The following MEI4 variants were observed in gnomAD, a reference collection of about 807,000 sequenced individuals.
MEI4 encodes the protein meiosis-specific protein MEI4.
A neutral mutation model predicts 31.4 loss-of-function variants in MEI4; 27 were observed. The ratio of observed to expected loss-of-function variants is 0.86; its 90% CI spans 0.63 to 1.19. MEI4 has a LOEUF of 1.19. Ranked by LOEUF, MEI4 falls within the 50% of genes most tolerant of loss-of-function variation. The pLI, the probability that MEI4 is intolerant of heterozygous loss-of-function variation, is 0.00. For synonymous variants in MEI4, 122 were observed against 145.4 expected (o/e 0.84, Z 1.16); for missense variants, 329 against 398.9 (o/e 0.82, Z 1.49).
chr6:77,814,196 G>A (rs1474986468), intron 3 of MEI4, among the ~76,000 whole-genome samples: 3 of 152,022 alleles, frequency 2.0e-5, no homozygotes, highest in Admixed American at 6.6e-5. Context: ...ATAGGGTTTC[G>A]GCTTATGCTG....
chr6:77,898,030 TGTAA>T (rs976648523), intron 4 of MEI4, among the ~76,000 whole-genome samples: 2 of 152,086 alleles, frequency 1.3e-5, no homozygotes, highest in African/African-American at 4.8e-5. Flanking sequence ...ATTTTATGTA[TGTAA>T]GTATGTATAT....
chr6:77,664,521 G>C (rs940352652), intron 1 of MEI4, among the ~76,000 whole-genome samples: 17 of 152,166 alleles, frequency 1.1e-4, no homozygotes, highest in Non-Finnish European at 1.9e-4. Context: ...CCCACCAGGT[G>C]TGAGGAGGGG....
chr6:77,871,396 C>G lies in MEI4; in HGVS notation c.900+42334C>G, dbSNP rs549534872. The stretch of plus-strand genomic sequence containing the variant: ...GTTTTATTTTGTAGATCTAAATACA[C>G]ATATCATAACATATCATAAAAAGTT... On this transcript the variant is annotated intron_variant, in intron 4 of 4. Transcript: ENST00000684080. Among the ~76,000 whole-genome samples the G allele has an allele frequency of 1.4e-3, 213 of 152,226 alleles. 1 individual carries two copies. The highest frequency in any genetic ancestry group is 4.5e-3 in the African/African-American group (187 of 41,544).
intron 3 of MEI4, among the ~76,000 whole-genome samples, chr6:77,764,473 T>C (rs1768120163): frequency 1.3e-5 from 2 of 152,182 alleles, no homozygotes; most frequent in Non-Finnish European, 2.9e-5. Flanking sequence ...ATTATTCTCT[T>C]TTTTCTGCTA....
rs569900874 is a variant in MEI4, at chr6:77,800,624, G to T, written c.769-28307G>T. ...GCCCATTCAGTATGATATTGGCTGT[G>T]GGTTTCTCATAGATAGCTCTTATTA... On this transcript the variant is annotated intron_variant, in intron 3 of 4. Transcript: ENST00000684080. 3.4e-4 allele frequency among the ~76,000 whole-genome samples: 52 copies of T among 152,288 alleles called. 1 individual carries two copies. The South Asian group carries it at 0.011, about 31-fold the overall frequency.
chr6:77,828,279 G>A (rs1161339620), intron 3 of MEI4, among the ~76,000 whole-genome samples: 2 of 146,882 alleles, frequency 1.4e-5, no homozygotes, highest in Admixed American at 7.1e-5. Flanking sequence ...CTGGTCCATG[G>A]CCTGTTAGAA....
At chr6:77,683,464 T>C (rs1486815178) in intron 1 of MEI4, among the ~76,000 whole-genome samples, 1 of 152,140 alleles carries the variant, frequency 6.6e-6, no homozygotes, top group Non-Finnish European at 1.5e-5. Flanking sequence ...CAAAACATTA[T>C]TAACTATGTC....
At chr6:77,857,774 G>A (rs1398209789) in intron 4 of MEI4, among the ~76,000 whole-genome samples, 1 of 152,138 alleles carries the variant, frequency 6.6e-6, no homozygotes, top group Non-Finnish European at 1.5e-5. Flanking sequence ...ACCTCCCACA[G>A]TAACTTTGAA....
At chr6:77,747,014 A>G (rs1355937141) in intron 2 of MEI4, among the ~76,000 whole-genome samples, 1 of 152,158 alleles carries the variant, frequency 6.6e-6, no homozygotes, top group Non-Finnish European at 1.5e-5. Flanking sequence ...TCACACTGCT[A>G]TAAAGAACTG....
At chr6:77,860,673 C>CAT (rs1308541788) in intron 4 of MEI4, among the ~76,000 whole-genome samples, 1 of 151,430 alleles carries the variant, frequency 6.6e-6, no homozygotes, top group Non-Finnish European at 1.5e-5. Flanking sequence ...GATATATAGA[C>CAT]ATATATATTA....
chr6:77,675,648 G>A (rs544470011), intron 1 of MEI4, among the ~76,000 whole-genome samples: 34 of 151,550 alleles, frequency 2.2e-4, no homozygotes, highest in South Asian at 4.2e-4. Context: ...CTTAATTGCC[G>A]TATGTATGAA....
intron 2 of MEI4, among the ~76,000 whole-genome samples, chr6:77,743,553 CA>C (rs1767482156): frequency 6.6e-6 from 1 of 152,176 alleles, no homozygotes; most frequent in African/African-American, 2.4e-5. Context: ...GATATACAGT[CA>C]TGTCATCTGC....
intron 4 of MEI4, among the ~76,000 whole-genome samples, chr6:77,837,771 G>A (rs1426185900): frequency 2.0e-5 from 3 of 152,082 alleles, no homozygotes; most frequent in Non-Finnish European, 2.9e-5. Context: ...GATAATTGGG[G>A]AAAATCTGCA....
At chr6:77,876,172 G>C (rs1391805610) in intron 4 of MEI4, among the ~76,000 whole-genome samples, 1 of 152,100 alleles carries the variant, frequency 6.6e-6, no homozygotes, top group East Asian at 1.9e-4. Flanking sequence ...ATATCTATAT[G>C]AAAACGCAGA....
Position 77,691,789 on chromosome 6 carries a change from CAG to C in MEI4, c.232+887_232+888del, listed in dbSNP as rs778276683. The stretch of plus-strand genomic sequence containing the variant: ...CCTATTAATAATTACACTGGGAACA[CAG>C]GGGCAAACCTGGGTTTACTTGAGCA... On this transcript the variant is annotated intron_variant, in intron 2 of 4. Coordinates refer to ENST00000684080, the MANE Select transcript of MEI4 (RefSeq NM_001322247.2). Among the ~76,000 whole-genome samples, 10 of 152,080 alleles carry C rather than the reference CAG, an allele frequency of 6.6e-5. No individual in the cohort carries two copies. In the East Asian group the frequency reaches 9.7e-4, roughly 15 times the overall value.
chr6:77,807,479 T>C (rs1456662726), intron 3 of MEI4, among the ~76,000 whole-genome samples: 1 of 152,096 alleles, frequency 6.6e-6, no homozygotes. Context: ...GTCTTAACAA[T>C]AGACATTTGC....
chr6:77,914,968 G>A (rs185893791), intron 4 of MEI4, among the ~76,000 whole-genome samples: 36 of 151,996 alleles, frequency 2.4e-4, no homozygotes, highest in African/African-American at 8.7e-4. Flanking sequence ...TGAGTTTCTT[G>A]TAAGCAGCAT....
chr6:77,786,808 A>G (rs1450275083), intron 3 of MEI4, among the ~76,000 whole-genome samples: 1 of 152,242 alleles, frequency 6.6e-6, no homozygotes, highest in Non-Finnish European at 1.5e-5. Context: ...TAGCAACAAA[A>G]AATGTATAAG....
intron 3 of MEI4, among the ~76,000 whole-genome samples, chr6:77,796,067 AT>A (rs1404563382): frequency 1.3e-5 from 2 of 152,194 alleles, no homozygotes; most frequent in African/African-American, 4.8e-5. Flanking sequence ...ATAGGGTAGG[AT>A]TTATCACAGG....
Sources: allele counts gnomAD v4.1 joint callset (sites outside exome capture counted in the v4.1 genomes callset), GRCh38; gene constraint gnomAD v4.1.1; transcripts MANE v1.5; gene names NCBI Gene and HGNC (gene_info 2026-07-23, HGNC 2026-07-21).